The following SBF2 variants were observed in gnomAD, a reference collection of about 807,000 sequenced individuals.
The protein encoded by SBF2 is SET binding factor 2.
Under a neutral mutation model 225.2 loss-of-function variants are expected in SBF2, and 112 were observed. The observed-to-expected ratio is 0.50, with a 90% CI of 0.43 to 0.58. The LOEUF is 0.58. Among genes scored for constraint, SBF2 ranks in the 20% least tolerant of loss-of-function variants. The probability of loss-of-function intolerance (pLI) is 0.00; values close to 1 mark genes in which losing one functional copy is unlikely to be tolerated. For synonymous variants in SBF2, 763 were observed against 773.3 expected (o/e 0.99, Z 0.22); for missense variants, 1,996 against 2,206.2 (o/e 0.90, Z 1.91).
intron 16 of SBF2, among the ~76,000 whole-genome samples, chr11:9,900,184 T>C (rs1180620614): frequency 6.6e-6 from 1 of 152,172 alleles, no homozygotes; most frequent in African/African-American, 2.4e-5. Flanking sequence ...AATGATGATT[T>C]AAGATCATCA....
chr11:9,849,759 T>A (rs1382554028), intron 22 of SBF2, among the ~76,000 whole-genome samples: 1 of 152,222 alleles, frequency 6.6e-6, no homozygotes. Flanking sequence ...GGTATAACAC[T>A]CTGCCTCATG....
chr11:9,870,819 C>CAA (rs1858662993), intron 17 of SBF2, among the ~76,000 whole-genome samples: 3 of 151,728 alleles, frequency 2.0e-5, no homozygotes, highest in Non-Finnish European at 4.4e-5. Context: ...ACTAAAAATA[C>CAA]AAAAATTAGC....
At chr11:9,950,942 C>G (rs1164595460) in intron 16 of SBF2, among the ~76,000 whole-genome samples, 1 of 152,188 alleles carries the variant, frequency 6.6e-6, no homozygotes, top group African/African-American at 2.4e-5. Context: ...TACATGTCAA[C>G]AGGCAATATC....
rs533568554 is a variant in SBF2 at position 10,057,719 on chromosome 11, T to C, written c.142-14738A>G. ...TGGGCAGCCCAGGAGTACCAAGTCA[T>C]GAACTACAGCCAGTACTCAAGTGGG... On this transcript the variant is annotated intron_variant, in intron 2 of 39. Coordinates refer to ENST00000256190, the MANE Select transcript of SBF2 (RefSeq NM_030962.4). Among the ~76,000 whole-genome samples, 64 of 152,072 alleles carry C rather than the reference T, an allele frequency of 4.2e-4. 1 individual carries two copies. The highest frequency in any genetic ancestry group is 7.2e-4 in the Non-Finnish European group (49 of 68,028).
intron 30 of SBF2, among the ~76,000 whole-genome samples, chr11:9,811,719 T>C (rs1466237283): frequency 1.5e-5 from 2 of 135,010 alleles, no homozygotes; most frequent in African/African-American, 5.9e-5. Context: ...CATCATTTCC[T>C]TTTTTTTTTT....
chr11:10,249,543 A>T (rs1160823015), intron 1 of SBF2, among the ~76,000 whole-genome samples: 1 of 152,138 alleles, frequency 6.6e-6, no homozygotes, highest in African/African-American at 2.4e-5. Context: ...CTTTTTAAAA[A>T]TTTTTGTCTC....
chr11:9,960,589 T>C (rs1387513162), intron 16 of SBF2: 1 of 152,082 alleles, frequency 6.6e-6, no homozygotes, highest in South Asian at 2.1e-4. Flanking sequence ...TGTGCATTTG[T>C]TTCTGGGCTT....
chr11:10,247,175 A>G (rs1959886237), intron 1 of SBF2, among the ~76,000 whole-genome samples: 1 of 152,186 alleles, frequency 6.6e-6, no homozygotes, highest in Non-Finnish European at 1.5e-5. Context: ...CCAGCACATT[A>G]TTACCAAAAA....
intron 1 of SBF2, among the ~76,000 whole-genome samples, chr11:10,197,268 G>T (rs980305063): frequency 6.6e-6 from 1 of 152,150 alleles, no homozygotes. Context: ...AGAGGATCTG[G>T]AAACAATTAC....
intron 2 of SBF2, among the ~76,000 whole-genome samples, chr11:10,102,230 T>C (rs1044680984): frequency 2.0e-5 from 3 of 152,236 alleles, no homozygotes; most frequent in Non-Finnish European, 4.4e-5. Flanking sequence ...CATTAGATTC[T>C]AGATAAGGCC....
At chr11:9,834,436 A>G (rs1855612150) in intron 26 of SBF2, among the ~76,000 whole-genome samples, 2 of 152,226 alleles carry the variant, frequency 1.3e-5, no homozygotes, top group Admixed American at 1.3e-4. Flanking sequence ...AACTACCACC[A>G]CTATCCATTT....
intron 1 of SBF2, among the ~76,000 whole-genome samples, chr11:10,274,943 C>T (rs1452361889): frequency 6.6e-6 from 1 of 152,042 alleles, no homozygotes; most frequent in East Asian, 1.9e-4. Flanking sequence ...TCAGTGGAAG[C>T]AATATGCAAA....
intron 17 of SBF2, among the ~76,000 whole-genome samples, chr11:9,886,699 G>GTTTTTTTTTTTTTTTTTT (rs61240594): frequency 7.5e-6 from 1 of 133,734 alleles, no homozygotes; most frequent in Non-Finnish European, 1.6e-5. Flanking sequence ...TGATTCATGT[G>GTTTTTTTTTTTTTTTTTT]TTTTTTTTTT....
intron 16 of SBF2, among the ~76,000 whole-genome samples, chr11:9,907,070 C>T (rs1032234647): frequency 2.6e-5 from 4 of 152,188 alleles, no homozygotes; most frequent in African/African-American, 9.7e-5. Flanking sequence ...AGATTAGACA[C>T]AGCTCAGAAA....
At chr11:10,193,506 C>T (rs1447057325) in intron 2 of SBF2, among the ~76,000 whole-genome samples, 1 of 152,040 alleles carries the variant, frequency 6.6e-6, no homozygotes, top group East Asian at 1.9e-4. Flanking sequence ...AGACGCCCGC[C>T]ACCACGCCCG....
chr11:10,054,467 T>A (rs991367468), intron 2 of SBF2, among the ~76,000 whole-genome samples: 11 of 152,192 alleles, frequency 7.2e-5, no homozygotes, highest in African/African-American at 2.7e-4. Context: ...TTTTGGTATA[T>A]CAGTCTCATG....
rs1482360969 is a variant in SBF2, at chr11:9,945,147, A to G, written c.1860+16810T>C. Among the ~76,000 whole-genome samples the G allele has an allele frequency of 2.0e-5, 3 of 152,240 alleles. No individual in the cohort carries two copies. In the East Asian group the frequency reaches 5.8e-4, roughly 29 times the overall value. On this transcript the variant is annotated intron_variant, in intron 16 of 39. Coordinates refer to ENST00000256190, the MANE Select transcript of SBF2 (RefSeq NM_030962.4). ...TATGGGACCAAAAAAAAGGCCAAAC[A>G]TCCAAAGCAAACAAAGCCGGAGGCA...
At chr11:10,263,320 T>C (rs1455798169) in intron 1 of SBF2, among the ~76,000 whole-genome samples, 1 of 151,940 alleles carries the variant, frequency 6.6e-6, no homozygotes, top group African/African-American at 2.4e-5. Context: ...GTATCAGATA[T>C]AGTAAAAATT....
chr11:9,958,633 C>T lies in SBF2; in HGVS notation c.1860+3324G>A, dbSNP rs965424552. On this transcript the variant is annotated intron_variant, in intron 16 of 39. Transcript: ENST00000256190. The stretch of plus-strand genomic sequence containing the variant: ...TCGGCCTCCCAAAGTGCTGGGATTA[C>T]AGGCGTGAGCATCCTTTCAGTTACA... The T allele has an allele frequency of 1.0e-4, 25 of 249,954 alleles. No homozygotes were observed. In the South Asian group the frequency reaches 1.3e-3, roughly 13 times the overall value. The allele number at this position is 249,954 out of a possible 1,614,324, so 15.5% of individuals were successfully genotyped here. A position where few individuals can be genotyped will look rare whatever the true frequency, so the allele number is the denominator to read the frequency against.
Sources: allele counts gnomAD v4.1 joint callset (sites outside exome capture counted in the v4.1 genomes callset), GRCh38; gene constraint gnomAD v4.1.1; transcripts MANE v1.5; gene names NCBI Gene and HGNC (gene_info 2026-07-23, HGNC 2026-07-21).